MALAT1: variants seen among roughly 807,000 people sequenced by gnomAD.
MALAT1 encodes the protein metastasis associated lung adenocarcinoma transcript 1.
At chr11:65,501,301 A>G (rs778359470) in exon 3 of MALAT1, 2 of 518,620 alleles carry the variant, frequency 3.9e-6, no homozygotes, top group East Asian at 5.4e-5. Flanking sequence ...CCTAAAGGCA[A>G]ATGACTCAAG....
intron 3 of MALAT1, chr11:65,504,917 T>C (rs541679024): frequency 7.7e-6 from 4 of 518,774 alleles, no homozygotes; most frequent in Admixed American, 3.9e-5. Flanking sequence ...CATTCCATTT[T>C]AAATGTGGGG....
At chr11:65,505,359 C>G in intron 3 of MALAT1, 1 of 518,196 alleles carries the variant, frequency 1.9e-6, no homozygotes, top group South Asian at 1.4e-5. Flanking sequence ...AGTGAAGCAT[C>G]CGAAGGAATG....
exon 3 of MALAT1, chr11:65,502,638 C>CT: frequency 2.1e-6 from 1 of 475,930 alleles, no homozygotes; most frequent in Non-Finnish European, 4.0e-6. Flanking sequence ...TTTCTATAGA[C>CT]TTTTTTCAGA....
At chr11:65,499,163 A>G (rs879025593) in exon 3 of MALAT1, 17 of 512,130 alleles carry the variant, frequency 3.3e-5, no homozygotes, top group Admixed American at 2.8e-4. Flanking sequence ...CTTAAAAAAT[A>G]TAGTCAATAG....
chr11:65,502,447 A>G, exon 3 of MALAT1: 1 of 500,956 alleles, frequency 2.0e-6, no homozygotes, highest in Non-Finnish European at 3.9e-6. Flanking sequence ...GTGTAGGAGA[A>G]ATACTTTTCC....
exon 3 of MALAT1, chr11:65,499,194 C>T (rs746124940): frequency 4.0e-6 from 2 of 504,210 alleles, no homozygotes; most frequent in African/African-American, 2.0e-5. Context: ...TATTGCTTAG[C>T]GTTAAGTTTT....
exon 3 of MALAT1, chr11:65,503,670 G>GT (rs1204980041): frequency 1.9e-6 from 1 of 514,636 alleles, no homozygotes; most frequent in Non-Finnish European, 3.9e-6. Context: ...ATAAAATAGT[G>GT]TTTGTCTGTA....
chr11:65,502,220 T>A (rs781244701), exon 3 of MALAT1: 2 of 518,896 alleles, frequency 3.9e-6, no homozygotes, highest in East Asian at 5.4e-5. Flanking sequence ...TGACATTAAC[T>A]ACAATTATGG....
Position 65,501,961 on chromosome 11 carries a change from G to C in MALAT1, n.3224G>C, listed in dbSNP as rs772132386. The C allele has an allele frequency of 9.7e-6, 5 of 515,314 alleles. No individual in the cohort carries two copies. In the Admixed American group the frequency reaches 9.8e-5, roughly 10 times the overall value. 31.9% of individuals were successfully genotyped at this position (515,314 alleles called of 1,614,324 possible). On this transcript the variant is annotated non_coding_transcript_exon_variant, in exon 3 of 4. Transcript: ENST00000619449. ...ATAAACTCATGCCAGAGAACTTAAA[G>C]TCTTAGAATGGAAAAAGTAAAGAAA...
exon 3 of MALAT1, chr11:65,501,563 G>C (rs560348629): frequency 1.9e-6 from 1 of 518,724 alleles, no homozygotes; most frequent in East Asian, 5.4e-5. Context: ...GGGTGGGGGA[G>C]AAAATGTTTT....
chr11:65,505,886 G>A (rs367749959), intron 3 of MALAT1: 3 of 439,472 alleles, frequency 6.8e-6, no homozygotes, highest in African/African-American at 2.0e-5. Flanking sequence ...GGAGAAGATA[G>A]GCATTTGAGT....
exon 3 of MALAT1, chr11:65,502,096 A>G (rs767188177): frequency 7.7e-6 from 4 of 516,364 alleles, no homozygotes; most frequent in South Asian, 1.4e-5. Context: ...GTACCAGTGC[A>G]TTAATTTGGG....
exon 4 of MALAT1, chr11:65,506,372 C>T (rs1429312123): frequency 2.3e-6 from 1 of 437,548 alleles, no homozygotes; most frequent in Non-Finnish European, 4.4e-6. Flanking sequence ...ATATAACTGC[C>T]TTGTCTTTTT....
chr11:65,498,199 G>A (rs776390080), intron 1 of MALAT1: 1 of 518,954 alleles, frequency 1.9e-6, no homozygotes, highest in Non-Finnish European at 3.8e-6. Flanking sequence ...TGTGTCTTCG[G>A]AGACAAAGCC....
exon 3 of MALAT1, chr11:65,499,067 GGGGCTTCT>G (rs779004594): frequency 1.9e-6 from 1 of 518,212 alleles, no homozygotes; most frequent in South Asian, 1.4e-5. Flanking sequence ...AGCCAGCGCA[GGGGCTTCT>G]GCTGAGGGGG....
intron 2 of MALAT1, chr11:65,498,795 C>T (rs747507885): frequency 1.9e-6 from 1 of 518,922 alleles, no homozygotes; most frequent in South Asian, 1.4e-5. Context: ...AATATGATTT[C>T]CATGTTTCTT....
At chr11:65,505,871 A>AGACT (rs757658210) in intron 3 of MALAT1, 15 of 449,764 alleles carry the variant, frequency 3.3e-5, no homozygotes, top group Admixed American at 3.2e-4. Context: ...TGTAACTTGT[A>AGACT]GACTGGAGAA....
chr11:65,502,040 A>C (rs748136246), exon 3 of MALAT1: 6 of 516,800 alleles, frequency 1.2e-5, no homozygotes, highest in African/African-American at 5.8e-5. Flanking sequence ...TTTTCCCCCC[A>C]GTTTGAATTG....
chr11:65,499,403 T>C (rs561374112), exon 3 of MALAT1: 1 of 485,462 alleles, frequency 2.1e-6, no homozygotes, highest in Non-Finnish European at 4.1e-6. Flanking sequence ...AGAAGGGCAA[T>C]GCTTTTAGAT....
Sources: gnomAD v4.1 joint callset for allele counts on GRCh38, gnomAD v4.1.1 for gene constraint, MANE v1.5 for transcripts, NCBI Gene and HGNC (gene_info 2026-07-23, HGNC 2026-07-21) for gene names.